The following CACNA1C variants were observed in gnomAD, a reference collection of about 807,000 sequenced individuals.
The protein encoded by CACNA1C is calcium voltage-gated channel subunit alpha1 C.
Under a neutral mutation model 229.0 loss-of-function variants are expected in CACNA1C, and 30 were observed. The observed-to-expected ratio is 0.13, with a 90% CI of 0.10 to 0.18. The LOEUF is 0.18. CACNA1C is among the 10% of genes least tolerant of loss of function. The pLI is 1.00. For synonymous variants in CACNA1C, 1,114 were observed against 1,132.5 expected (o/e 0.98, Z 0.33); for missense variants, 1,658 against 2,845.0 (o/e 0.58, Z 9.49).
intron 42 of CACNA1C, among the ~76,000 whole-genome samples, chr12:2,680,886 C>G (rs2097112751): frequency 1.3e-5 from 2 of 152,242 alleles, no homozygotes; most frequent in Non-Finnish European, 2.9e-5. Context: ...CTGCTGCCTT[C>G]TGTGTGCACA....
chr12:2,191,812 A>G (rs1459212499), intron 3 of CACNA1C, among the ~76,000 whole-genome samples: 1 of 150,854 alleles, frequency 6.6e-6, no homozygotes, highest in African/African-American at 2.5e-5. Flanking sequence ...ACACAGGCAC[A>G]CGTATGCACA....
At chr12:2,519,810 C>T (rs2099805988) in intron 9 of CACNA1C, among the ~76,000 whole-genome samples, 1 of 152,166 alleles carries the variant, frequency 6.6e-6, no homozygotes, top group Non-Finnish European at 1.5e-5. Flanking sequence ...GGCGTGGGGG[C>T]CATGTTGTAG....
chr12:2,062,242 A>G (rs1449085331), intron 1 of CACNA1C, among the ~76,000 whole-genome samples: 2 of 152,226 alleles, frequency 1.3e-5, no homozygotes, highest in African/African-American at 4.8e-5. Context: ...TTGAATGCCT[A>G]GCATGTGTTA....
At chr12:2,627,177 T>C (rs1055230355) in intron 29 of CACNA1C, among the ~76,000 whole-genome samples, 1 of 152,098 alleles carries the variant, frequency 6.6e-6, no homozygotes, top group African/African-American at 2.4e-5. Flanking sequence ...TGCTTCTGAA[T>C]TAACACATCA....
At chr12:2,615,975 G>A (rs2080318647) in intron 29 of CACNA1C, among the ~76,000 whole-genome samples, 1 of 152,184 alleles carries the variant, frequency 6.6e-6, no homozygotes, top group African/African-American at 2.4e-5. Context: ...GCCGCAGAGG[G>A]GTGAAGCAGC....
chr12:2,150,244 A>T (rs1343940535), intron 3 of CACNA1C, among the ~76,000 whole-genome samples: 1 of 152,154 alleles, frequency 6.6e-6, no homozygotes, highest in African/African-American at 2.4e-5. Context: ...TAACACGGAG[A>T]ATAGGATGGG....
intron 3 of CACNA1C, among the ~76,000 whole-genome samples, chr12:2,347,221 C>T (rs1260099210): frequency 6.6e-6 from 1 of 152,190 alleles, no homozygotes; most frequent in South Asian, 2.1e-4. Flanking sequence ...CACCCTTTCT[C>T]ACCTCCCCAC....
chr12:2,262,042 G>C (rs1356173921), intron 3 of CACNA1C, among the ~76,000 whole-genome samples: 1 of 152,234 alleles, frequency 6.6e-6, no homozygotes, highest in African/African-American at 2.4e-5. Flanking sequence ...CTGCCTTTCT[G>C]ATCTACAGCA....
chr12:2,635,675 T>G (rs2092476020), intron 30 of CACNA1C, among the ~76,000 whole-genome samples: 1 of 152,156 alleles, frequency 6.6e-6, no homozygotes, highest in Non-Finnish European at 1.5e-5. Context: ...GGAAAGCGGT[T>G]GTCACACTTG....
intron 3 of CACNA1C, among the ~76,000 whole-genome samples, chr12:2,201,626 T>C (rs956645007): frequency 6.6e-6 from 1 of 152,264 alleles, no homozygotes; most frequent in African/African-American, 2.4e-5. Flanking sequence ...AATGTCACTT[T>C]TTTTACTGCT....
At chr12:2,659,046 A>G (rs2095570674) in intron 34 of CACNA1C, among the ~76,000 whole-genome samples, 1 of 152,208 alleles carries the variant, frequency 6.6e-6, no homozygotes, top group African/African-American at 2.4e-5. Flanking sequence ...TGAAGAAAGA[A>G]AAGTACTTTT....
rs867435015 is a variant in CACNA1C at position 2,632,244 on chromosome 12, G to A, written c.3829-2053G>A. The stretch of plus-strand genomic sequence containing the variant: ...AAGAAGACAAATCTCTGTAGTACTC[G>A]GTCCTTCCCCCTCCACCCATGGGGA... On this transcript the variant is annotated intron_variant, in intron 29 of 46. Coordinates refer to ENST00000399655, the MANE Select transcript of CACNA1C (RefSeq NM_000719.7). This position sits in a 1 kb window ranked among gnomAD's most constrained non-coding sequence, Gnocchi z 4.1. 1.6e-4 allele frequency among the ~76,000 whole-genome samples: 24 copies of A among 151,756 alleles called. No homozygotes were observed. Among genetic ancestry groups the A allele is most frequent in the Non-Finnish European group, 1.5e-4 (10 of 67,964 alleles).
At chr12:1,993,246 G>A in intron 1 of CACNA1C, 1 of 1,614,040 alleles carries the variant, frequency 6.2e-7, no homozygotes, top group Non-Finnish European at 8.5e-7. Flanking sequence ...ACAACCCACT[G>A]TAGTAAGAAA....
At position 2,585,350 on chromosome 12, in the gene CACNA1C, A is replaced by AT. The variant is rs763256003; in HGVS notation, c.2340-19dup. On this transcript the variant is annotated intron_variant, in intron 16 of 46. Coordinates refer to ENST00000399655, the MANE Select transcript of CACNA1C (RefSeq NM_000719.7). The surrounding 1 kb of genome is among the most constrained non-coding windows in gnomAD (Gnocchi z 4.1). Reference sequence around the variant, plus strand: ...CTATCACTCCAGTAAACAGCCATTTATTTTTTTCTGCTGCTGACTGGCCAG... The same window carrying AT: ...CTATCACTCCAGTAAACAGCCATTTATTTTTTTTCTGCTGCTGACTGGCCAG... The AT allele has an allele frequency of 2.5e-6, 4 of 1,605,766 alleles. No individual in the cohort carries two copies. Among genetic ancestry groups the AT allele is most frequent in the South Asian group, 1.1e-5 (1 of 89,092 alleles).
intron 3 of CACNA1C, among the ~76,000 whole-genome samples, chr12:2,136,268 C>A (rs957277685): frequency 3.3e-5 from 5 of 151,416 alleles, no homozygotes; most frequent in African/African-American, 9.7e-5. Context: ...GCGTCGGTCA[C>A]GCTGAGAGCT....
chr12:2,234,971 G>T (rs2066760265), intron 3 of CACNA1C, among the ~76,000 whole-genome samples: 1 of 152,132 alleles, frequency 6.6e-6, no homozygotes, highest in African/African-American at 2.4e-5. Flanking sequence ...TTCTCACAAA[G>T]GTGGCTTCTG....
intron 3 of CACNA1C, among the ~76,000 whole-genome samples, chr12:2,429,621 C>T (rs186146339): frequency 6.6e-6 from 1 of 152,338 alleles, no homozygotes; most frequent in East Asian, 1.9e-4. Flanking sequence ...CTCTTCGTAG[C>T]CTGCAGGCAG....
At chr12:2,465,237 A>G (rs2099542865) in intron 5 of CACNA1C, among the ~76,000 whole-genome samples, 1 of 152,230 alleles carries the variant, frequency 6.6e-6, no homozygotes, top group African/African-American at 2.4e-5. Context: ...CAACAAATAT[A>G]CTTTAAAAGA....
rs983544216 is a variant in CACNA1C, at chr12:2,653,084, C to T, written c.4075-751C>T. Among the ~76,000 whole-genome samples the T allele has an allele frequency of 1.3e-5, 2 of 152,238 alleles. No homozygotes were observed. The highest frequency in any genetic ancestry group is 2.4e-5 in the African/African-American group (1 of 41,476). On this transcript the variant is annotated intron_variant, in intron 32 of 46. Coordinates refer to ENST00000399655, the MANE Select transcript of CACNA1C (RefSeq NM_000719.7). This position sits in a 1 kb window ranked among gnomAD's most constrained non-coding sequence, Gnocchi z 4.7. Reference sequence around the variant, plus strand: ...TCCCATCCTGGGGACCATGGCCTGTCCCCAGAAGTCACGGGGGCTCTGGAA... The same window carrying T: ...TCCCATCCTGGGGACCATGGCCTGTTCCCAGAAGTCACGGGGGCTCTGGAA...
Sources: gnomAD v4.1 joint callset for allele counts (sites outside exome capture counted in the v4.1 genomes callset) on GRCh38, gnomAD v4.1.1 for gene constraint, Gnocchi (gnomAD v3.1) non-coding constraint, MANE v1.5 for transcripts, NCBI Gene and HGNC (gene_info 2026-07-23, HGNC 2026-07-21) for gene names.